MAPK4: variants seen among roughly 807,000 people sequenced by gnomAD.
MAPK4 encodes the protein mitogen-activated protein kinase 4, also known as Erk3-related.
MAPK4 carries 22 observed loss-of-function variants against 47.7 expected under a neutral mutation model. The ratio of observed to expected loss-of-function variants is 0.46; its 90% CI spans 0.33 to 0.66. The LOEUF (loss-of-function observed/expected upper bound fraction) is 0.66. Ranked by LOEUF, MAPK4 falls within the 30% of genes least tolerant of loss-of-function variation. The probability of loss-of-function intolerance (pLI) is 0.02; values close to 1 mark genes in which losing one functional copy is unlikely to be tolerated. For missense variants in MAPK4, 736 were observed against 831.7 expected (o/e 0.88, Z 1.42); for synonymous variants, 390 against 365.7 (o/e 1.07, Z -0.76).
intron 1 of MAPK4, among the ~76,000 whole-genome samples, chr18:50,615,791 A>G (rs2042679782): frequency 6.6e-6 from 1 of 152,238 alleles, no homozygotes; most frequent in African/African-American, 2.4e-5. Flanking sequence ...TTTCAGAACA[A>G]CAGACAGATA....
intron 1 of MAPK4, among the ~76,000 whole-genome samples, chr18:50,607,277 A>G (rs1568042995): frequency 6.6e-6 from 1 of 152,230 alleles, no homozygotes; most frequent in East Asian, 1.9e-4. Flanking sequence ...TTTTTGCAGA[A>G]AAAGAAAATG....
rs3045776 is a variant in MAPK4, at chr18:50,683,453, GGTGTGTGTGTGTGTGT to G, written c.546+18972_546+18987del. Among the ~76,000 whole-genome samples the G allele has an allele frequency of 4.2e-5, 6 of 142,256 alleles. No individual in the cohort carries two copies. In the South Asian group the frequency reaches 1.1e-3, roughly 27 times the overall value. 93.3% of individuals were successfully genotyped at this position (142,256 alleles called of 152,430 possible). A position where few individuals can be genotyped will look rare whatever the true frequency, so the allele number is the denominator to read the frequency against. ...TGTTCATTATTTTTATTGGTGATGGGGTGTGTGTGTGTGTGTGTGTGTGTGTGTGTGTGTGTGTAAA... is the reference window on the plus strand; with the variant it reads ...TGTTCATTATTTTTATTGGTGATGGGGTGTGTGTGTGTGTGTGTGTGTAAA... On this transcript the variant is annotated intron_variant, in intron 2 of 5. Coordinates refer to ENST00000400384, the MANE Select transcript of MAPK4 (RefSeq NM_002747.4).
chr18:50,726,206 A>G, intron 5 of MAPK4, 31 bp downstream of exon 5: 1 of 1,602,162 alleles, frequency 6.2e-7, no homozygotes, highest in Non-Finnish European at 8.5e-7. Context: ...CAGAGCCCAC[A>G]TTTCCCTGTC....
chr18:50,664,036 G>T lies in MAPK4; in HGVS notation c.78G>T (p.Leu26=). The part of the protein sequence containing the change: ...LGGRFVDFQP[L]GFGVNGLVLS... ...GGCGCTTTGTTGACTTCCAACCCCT[G>T]GGCTTCGGTGTCAATGGTTTGGTGC... The change falls in exon 2 of 6, where the codon CTG becomes CTT. Residue 26 remains leucine (L), a synonymous_variant. Transcript: ENST00000400384. The surrounding 1 kb of genome is among the most constrained non-coding windows in gnomAD (Gnocchi z 6.0). 1 of 1,613,790 alleles carries T rather than the reference G, an allele frequency of 6.2e-7. No individual in the cohort carries two copies. The highest frequency in any genetic ancestry group is 8.5e-7 in the Non-Finnish European group (1 of 1,180,032).
rs1911417089 is a variant in MAPK4 at position 50,729,515 on chromosome 18, G to A, written c.1425G>A (p.Gly475=). 1.4e-5 allele frequency: 20 copies of A among 1,444,636 alleles called. No individual in the cohort carries two copies. Among genetic ancestry groups the A allele is most frequent in the Non-Finnish European group, 1.8e-5 (20 of 1,098,196 alleles). 89.5% of individuals were successfully genotyped at this position (1,444,636 alleles called of 1,614,324 possible). Residue 475 remains glycine (G), a synonymous_variant, in exon 6 of 6, where the codon GGG becomes GGA. Coordinates refer to ENST00000400384, the MANE Select transcript of MAPK4 (RefSeq NM_002747.4). ...CCGGCGCGCCCCCCACGGCCACGGG[G>A]CTGGCGGACACGGGGGCGCGCGAGG... ...QAAGAPPTAT[G]LADTGAREDE...
chr18:50,631,345 A>G (rs905734747), intron 1 of MAPK4, among the ~76,000 whole-genome samples: 2 of 152,168 alleles, frequency 1.3e-5, no homozygotes, highest in Non-Finnish European at 2.9e-5. Flanking sequence ...AGCTTTGATC[A>G]GACATACGGT....
chr18:50,706,909 G>A (rs1228207795), intron 2 of MAPK4, among the ~76,000 whole-genome samples: 1 of 152,148 alleles, frequency 6.6e-6, no homozygotes, highest in Non-Finnish European at 1.5e-5. Context: ...TCCTGTCTTT[G>A]AACTGTAATA....
intron 1 of MAPK4, among the ~76,000 whole-genome samples, chr18:50,624,211 T>G (rs953229008): frequency 6.6e-6 from 1 of 152,260 alleles, no homozygotes; most frequent in African/African-American, 2.4e-5. Flanking sequence ...CAGAGCAGGA[T>G]GTAATCAGCA....
rs185838315 is a variant in MAPK4 at position 50,715,031 on chromosome 18, G to A, written c.547-48G>A. ...AAACTGGAAGAGGCGTGGGAGGAAGGGTATCCAAAAATGACTGATCAGTGG... is the reference window on the plus strand; with the variant it reads ...AAACTGGAAGAGGCGTGGGAGGAAGAGTATCCAAAAATGACTGATCAGTGG... On this transcript the variant is annotated intron_variant, in intron 2 of 5. Coordinates refer to ENST00000400384, the MANE Select transcript of MAPK4 (RefSeq NM_002747.4). The A allele has an allele frequency of 3.7e-5, 59 of 1,593,852 alleles. No homozygotes were observed. In the African/African-American group the frequency reaches 7.5e-4, roughly 20 times the overall value.
chr18:50,637,087 G>A (rs774852772), intron 1 of MAPK4, among the ~76,000 whole-genome samples: 2 of 152,108 alleles, frequency 1.3e-5, no homozygotes, highest in African/African-American at 4.8e-5. Context: ...CAGTTACCTG[G>A]TTTCATGCCC....
intron 1 of MAPK4, among the ~76,000 whole-genome samples, chr18:50,658,215 A>T (rs966254607): frequency 3.3e-5 from 5 of 152,234 alleles, no homozygotes; most frequent in Admixed American, 6.5e-5. Context: ...ACAAAGGCTG[A>T]AAAGGTGGCT....
At chr18:50,648,594 T>C (rs1207222554) in intron 1 of MAPK4, among the ~76,000 whole-genome samples, 6 of 152,190 alleles carry the variant, frequency 3.9e-5, no homozygotes, top group Admixed American at 6.5e-5. Flanking sequence ...CCACAGATCC[T>C]ACAGTGCTCT....
chr18:50,644,338 C>T (rs1055821991), intron 1 of MAPK4, among the ~76,000 whole-genome samples: 2 of 152,056 alleles, frequency 1.3e-5, no homozygotes, highest in Non-Finnish European at 2.9e-5. Context: ...CAGATTGGAA[C>T]CACTGAGTGG....
intron 1 of MAPK4, among the ~76,000 whole-genome samples, chr18:50,584,674 C>T (rs1213008444): frequency 1.3e-5 from 2 of 152,176 alleles, no homozygotes; most frequent in Admixed American, 6.5e-5. Flanking sequence ...TTCTCTCTAC[C>T]GCCTATGACA....
chr18:50,694,364 C>G (rs1909393210), intron 2 of MAPK4, among the ~76,000 whole-genome samples: 1 of 152,194 alleles, frequency 6.6e-6, no homozygotes, highest in South Asian at 2.1e-4. Flanking sequence ...ACACGTCCCC[C>G]TCACCTCAGA....
rs186026891 is a variant in MAPK4 at position 50,570,585 on chromosome 18, C to A, written c.-871+10342C>A. 4.8e-3 allele frequency among the ~76,000 whole-genome samples: 720 copies of A among 151,412 alleles called. 5 individuals are homozygous for A. Among genetic ancestry groups the A allele is most frequent in the African/African-American group, 0.016 (663 of 41,508 alleles). On this transcript the variant is annotated intron_variant, in intron 1 of 5. Coordinates refer to ENST00000400384, the MANE Select transcript of MAPK4 (RefSeq NM_002747.4). ...TTAAGGCAGAACTTCTCTTCCATGGCCCAGACAATTCCTTGCAGAGGCTGA... is the reference window on the plus strand; with the variant it reads ...TTAAGGCAGAACTTCTCTTCCATGGACCAGACAATTCCTTGCAGAGGCTGA...
chr18:50,573,519 T>A (rs888235822), intron 1 of MAPK4, among the ~76,000 whole-genome samples: 60 of 152,334 alleles, frequency 3.9e-4, no homozygotes, highest in Non-Finnish European at 7.1e-4. Flanking sequence ...GAGAATCTAA[T>A]GTCTGATGAT....
At chr18:50,709,205 A>G (rs1910219886) in intron 2 of MAPK4, among the ~76,000 whole-genome samples, 2 of 151,956 alleles carry the variant, frequency 1.3e-5, no homozygotes, top group African/African-American at 4.8e-5. Flanking sequence ...GCTCCTGGGA[A>G]CCCAGTCCCC....
At chr18:50,560,971 T>G (rs2042148661) in intron 1 of MAPK4, among the ~76,000 whole-genome samples, 1 of 152,258 alleles carries the variant, frequency 6.6e-6, no homozygotes, top group South Asian at 2.1e-4. Flanking sequence ...TGCCAGCTAC[T>G]CTACGGAATC....
Sources: allele counts gnomAD v4.1 joint callset (sites outside exome capture counted in the v4.1 genomes callset), GRCh38; gene constraint gnomAD v4.1.1; non-coding constraint Gnocchi (gnomAD v3.1); transcripts MANE v1.5; gene names NCBI Gene and HGNC (gene_info 2026-07-23, HGNC 2026-07-21).